ST6GALNAC2: variants seen among roughly 807,000 people sequenced by gnomAD.
The protein encoded by ST6GALNAC2 is ST6 N-acetylgalactosaminide alpha-2,6-sialyltransferase 2.
ST6GALNAC2 carries 42 observed loss-of-function variants against 38.7 expected under a neutral mutation model. The ratio of observed to expected loss-of-function variants is 1.09; its 90% CI spans 0.85 to 1.40. ST6GALNAC2 has a LOEUF of 1.40. Ranked by LOEUF, ST6GALNAC2 falls within the 40% of genes most tolerant of loss-of-function variation. The pLI is 0.00. For synonymous variants in ST6GALNAC2, 233 were observed against 209.0 expected, an observed-to-expected ratio of 1.11 and a Z score of -0.99; for missense variants, 506 against 481.7, an observed-to-expected ratio of 1.05 and a Z score of -0.47.
intron 1 of ST6GALNAC2, among the ~76,000 whole-genome samples, chr17:76,584,506 G>T (rs139449697): frequency 1.3e-5 from 2 of 152,058 alleles, no homozygotes; most frequent in East Asian, 3.9e-4. Context: ...TTGAGACAGG[G>T]TCTCTCTCTG....
intron 2 of ST6GALNAC2, among the ~76,000 whole-genome samples, 171 bp from the exon 3 acceptor site, chr17:76,574,710 T>C (rs1294906680): frequency 1.3e-5 from 2 of 151,586 alleles, no homozygotes; most frequent in Non-Finnish European, 2.9e-5. Context: ...AGAGTCTCGC[T>C]CTGTCGCCCA....
chr17:76,579,551 C>G (rs2075453035), intron 1 of ST6GALNAC2, among the ~76,000 whole-genome samples: 1 of 152,226 alleles, frequency 6.6e-6, no homozygotes, highest in African/African-American at 2.4e-5. Context: ...ATGGCTCTTG[C>G]TATGGTTTGA....
chr17:76,568,234 T>C (rs1364182770), intron 7 of ST6GALNAC2: 1 of 172,218 alleles, frequency 5.8e-6, no homozygotes, highest in African/African-American at 2.4e-5. Context: ...TACCCACTGA[T>C]GGCACTTGCC....
Position 76,573,159 on chromosome 17 carries a change from T to A in ST6GALNAC2, c.530+36A>T. ...GACACCCCCACCCTCCAGGCAACTC[T>A]CCCTCCCGCCCCTCCCCAGCTCCTA... On this transcript the variant is annotated intron_variant, in intron 4 of 8. Transcript: ENST00000225276. The surrounding 1 kb of genome is among the most constrained non-coding windows in gnomAD (Gnocchi z 5.1). 1.3e-6 allele frequency: 2 copies of A among 1,530,312 alleles called. No homozygotes were observed. The highest frequency in any genetic ancestry group is 1.8e-6 in the Non-Finnish European group (2 of 1,120,820). The allele number at this position is 1,530,312 out of a possible 1,614,324, so 94.8% of individuals were successfully genotyped here. A position where few individuals can be genotyped will look rare whatever the true frequency, so the allele number is the denominator to read the frequency against.
intron 7 of ST6GALNAC2, chr17:76,568,349 T>C: frequency 3.6e-6 from 1 of 278,522 alleles, no homozygotes; most frequent in Non-Finnish European, 6.9e-6. Flanking sequence ...CCCGGGTTCC[T>C]TCCGGCACCT....
Position 76,574,402 on chromosome 17 carries a change from G to A in ST6GALNAC2, c.324C>T (p.His108=), listed in dbSNP as rs141875733. The change falls in exon 3 of 9, where the codon CAC becomes CAT. Residue 108 remains histidine (H), a synonymous_variant. Transcript: ENST00000225276. ...GCCCCCGCCAGCCATACGGGGCTTT[G>A]TGTTGGCTCAGGCGGTCCCAGAGCG... ...TPALWDRLSQ[H]KAPYGWRGLS... 8 of 1,613,726 alleles carry A rather than the reference G, an allele frequency of 5.0e-6. No homozygotes were observed. The African/African-American group carries it at 5.3e-5, about 11-fold the overall frequency.
intron 1 of ST6GALNAC2, among the ~76,000 whole-genome samples, chr17:76,580,433 C>T (rs1412048477): frequency 1.4e-5 from 2 of 147,570 alleles, no homozygotes; most frequent in Non-Finnish European, 3.0e-5. Context: ...CGGTGGCTCA[C>T]GTCTGTAATC....
Position 76,574,357 on chromosome 17 carries a change from C to T in ST6GALNAC2, c.361+8G>A, listed in dbSNP as rs373800689. ...GAAGGCAGGTGAGAGACAGCGGGCGCGGGTTACCTTGGTGAGAGAGCCCCC... is the reference window on the plus strand; with the variant it reads ...GAAGGCAGGTGAGAGACAGCGGGCGTGGGTTACCTTGGTGAGAGAGCCCCC... On this transcript the variant is annotated splice_region_variant and intron_variant, in intron 3 of 8. Transcript: ENST00000225276. 215 of 1,609,122 alleles carry T rather than the reference C, an allele frequency of 1.3e-4. No homozygotes were observed. In the Admixed American group the frequency reaches 3.1e-3, roughly 23 times the overall value.
chr17:76,567,396 G>T, intron 8 of ST6GALNAC2, 57 bp downstream of exon 8: 1 of 1,256,090 alleles, frequency 8.0e-7, no homozygotes, highest in Non-Finnish European at 1.2e-6. Flanking sequence ...GGATCCTGTT[G>T]GGTTCTGTTA....
At chr17:76,584,290 T>A (rs918378417) in intron 1 of ST6GALNAC2, among the ~76,000 whole-genome samples, 1 of 149,632 alleles carries the variant, frequency 6.7e-6, no homozygotes, top group Non-Finnish European at 1.5e-5. Flanking sequence ...CCTCCCAGAC[T>A]CAAGGGATCT....
In ST6GALNAC2 at chr17:76,567,525, T is replaced by G; in HGVS notation, c.885A>C (p.Thr295=). The change falls in exon 8 of 9, where the codon ACA becomes ACC. Residue 295 remains threonine, a synonymous_variant. Coordinates refer to ENST00000225276, the MANE Select transcript of ST6GALNAC2 (RefSeq NM_006456.3). ...ERFLKSKLIN[T]HFGDLYMPST... The stretch of plus-strand genomic sequence containing the variant: ...TAGGCATATATAGGTCTCCAAAATG[T>G]GTGTTAATCAACTTTGATTTCAAGA... 6.2e-7 allele frequency: 1 copy of G among 1,613,864 alleles called. No homozygotes were observed. Among genetic ancestry groups the G allele is most frequent in the African/African-American group, 1.3e-5 (1 of 75,014 alleles).
chr17:76,584,277 C>T (rs953437231), intron 1 of ST6GALNAC2, among the ~76,000 whole-genome samples: 1 of 150,866 alleles, frequency 6.6e-6, no homozygotes, highest in Non-Finnish European at 1.5e-5. Context: ...ACTGCAGCCT[C>T]GACCTCCCAG....
At chr17:76,572,967 G>A (rs2075369880) in intron 4 of ST6GALNAC2, among the ~76,000 whole-genome samples, 192 bp from the exon 5 acceptor site, 1 of 152,178 alleles carries the variant, frequency 6.6e-6, no homozygotes, top group South Asian at 2.1e-4. Flanking sequence ...CCCTGTGAGT[G>A]GGTAGAGCTG....
intron 8 of ST6GALNAC2, among the ~76,000 whole-genome samples, 188 bp downstream of exon 8, chr17:76,567,265 C>T (rs1255683691): frequency 6.6e-6 from 1 of 152,216 alleles, no homozygotes; most frequent in Non-Finnish European, 1.5e-5. Context: ...GGCCCAGGAC[C>T]TGTCCTTCAA....
Position 76,568,701 on chromosome 17 carries a change from C to T in ST6GALNAC2, c.857+12G>A, listed in dbSNP as rs751930544. On this transcript the variant is annotated intron_variant, in intron 7 of 8. Coordinates refer to ENST00000225276, the MANE Select transcript of ST6GALNAC2 (RefSeq NM_006456.3). ...GAAGGGGACGCTGTTCTTCAGGCAC[C>T]CCACTCCGTACCTTTCTGTCAGGTA... 5 of 1,613,392 alleles carry T rather than the reference C, an allele frequency of 3.1e-6. No homozygotes were observed. The East Asian group carries it at 6.7e-5, about 22-fold the overall frequency.
In ST6GALNAC2 at chr17:76,568,724, G is replaced by A; in HGVS notation, c.846C>T (p.Tyr282=). Residue 282 remains tyrosine, a synonymous_variant, in exon 7 of 9, where the codon TAC becomes TAT. Transcript: ENST00000225276. ...FKLLHPDFIS[Y]LTERFLKSKL... ...ACCCCACTCCGTACCTTTCTGTCAG[G>A]TAGCTGATGAAGTCCGGATGTAGCA... 6.2e-7 allele frequency: 1 copy of A among 1,613,742 alleles called. No individual in the cohort carries two copies.
At chr17:76,578,989 G>A (rs1276774580) in intron 1 of ST6GALNAC2, 173 bp from the exon 2 acceptor site, 7 of 458,004 alleles carry the variant, frequency 1.5e-5, no homozygotes, top group East Asian at 7.9e-5. Flanking sequence ...GTGCAATCTC[G>A]GCTCACTGCA....
chr17:76,585,126 G>T (rs2075529387), intron 1 of ST6GALNAC2, among the ~76,000 whole-genome samples: 1 of 152,190 alleles, frequency 6.6e-6, no homozygotes, highest in East Asian at 1.9e-4. Flanking sequence ...CGCGGATCGC[G>T]CCCGCACTGG....
intron 1 of ST6GALNAC2, among the ~76,000 whole-genome samples, chr17:76,583,516 G>T (rs1369652893): frequency 1.3e-5 from 2 of 151,748 alleles, no homozygotes; most frequent in Non-Finnish European, 2.9e-5. Context: ...GTCCCCAAAA[G>T]ATTATTTTTA....
Sources: allele counts gnomAD v4.1 joint callset (sites outside exome capture counted in the v4.1 genomes callset), GRCh38; gene constraint gnomAD v4.1.1; non-coding constraint Gnocchi (gnomAD v3.1); transcripts MANE v1.5; gene names NCBI Gene and HGNC (gene_info 2026-07-23, HGNC 2026-07-21).